The following UBXN2B variants were observed in gnomAD, a reference collection of about 807,000 sequenced individuals.
UBXN2B encodes UBX domain-containing protein 2B.
Under a neutral mutation model 37.5 loss-of-function variants are expected in UBXN2B, and 19 were observed. The observed-to-expected ratio is 0.51, with a 90% CI of 0.35 to 0.74. The LOEUF (loss-of-function observed/expected upper bound fraction) is 0.74, where lower values mean the gene tolerates loss of function less well. UBXN2B is among the 30% of genes least tolerant of loss of function. The pLI, the probability that UBXN2B is intolerant of heterozygous loss-of-function variation, is 0.01. For synonymous variants in UBXN2B, 145 were observed against 143.8 expected, an observed-to-expected ratio of 1.01 and a Z score of -0.06; for missense variants, 370 against 393.2, an observed-to-expected ratio of 0.94 and a Z score of 0.50.
intron 3 of UBXN2B, among the ~76,000 whole-genome samples, chr8:58,432,905 CTA>C (rs141817480): frequency 0.027 from 4,146 of 152,224 alleles, 209 homozygotes; most frequent in East Asian, 0.23. Context: ...AAAAAAGCCT[CTA>C]TGATAATTTT....
Position 58,427,886 on chromosome 8 carries a change from T to G in UBXN2B, c.189-2633T>G, listed in dbSNP as rs7012712. Among the ~76,000 whole-genome samples, 478 of 152,220 alleles carry G rather than the reference T, an allele frequency of 3.1e-3. 3 individuals are homozygous for G. Among genetic ancestry groups the G allele is most frequent in the African/African-American group, 0.011 (448 of 41,528 alleles). On this transcript the variant is annotated intron_variant, in intron 2 of 7. Transcript: ENST00000399598. ...ATTGAAGTCAAGGATATGGGCATATTTATGTAAGAGGAGGAGGAAGAAAAC... is the reference window on the plus strand; with the variant it reads ...ATTGAAGTCAAGGATATGGGCATATGTATGTAAGAGGAGGAGGAAGAAAAC...
chr8:58,441,367 A>ATATATATGTATG (rs1554553148), intron 6 of UBXN2B, among the ~76,000 whole-genome samples: 27 of 142,466 alleles, frequency 1.9e-4, no homozygotes, highest in African/African-American at 7.2e-4. Context: ...ATATATATAT[A>ATATATATGTATG]TGTATGTGTA....
At chr8:58,420,240 C>T (rs1404656895) in intron 2 of UBXN2B, among the ~76,000 whole-genome samples, 5 of 152,166 alleles carry the variant, frequency 3.3e-5, no homozygotes, top group African/African-American at 1.2e-4. Flanking sequence ...TCTGATAATA[C>T]AGCTTTGCAA....
chr8:58,425,972 T>C (rs1182343581), intron 2 of UBXN2B: 1 of 1,443,156 alleles, frequency 6.9e-7, no homozygotes, highest in Admixed American at 1.7e-5. Context: ...AAAACTACCA[T>C]GTTTTCCTTT....
chr8:58,439,548 C>A, intron 5 of UBXN2B, 85 bp from the exon 6 acceptor site: 1 of 1,462,164 alleles, frequency 6.8e-7, no homozygotes, highest in Non-Finnish European at 9.1e-7. Context: ...TCCAGTGTAG[C>A]TCATGAAATA....
At chr8:58,425,652 G>C in intron 2 of UBXN2B, 1 of 1,138,454 alleles carries the variant, frequency 8.8e-7, no homozygotes, top group Non-Finnish European at 1.3e-6. Flanking sequence ...TGACTTTATT[G>C]TGGTCTCAGC....
intron 6 of UBXN2B, among the ~76,000 whole-genome samples, chr8:58,442,715 G>A (rs1377271932): frequency 6.6e-6 from 1 of 152,256 alleles, no homozygotes. Context: ...TGGTGAGCTA[G>A]AGTAGTGCCT....
At chr8:58,440,026 A>G (rs1027658657) in intron 6 of UBXN2B, among the ~76,000 whole-genome samples, 1 of 152,236 alleles carries the variant, frequency 6.6e-6, no homozygotes, top group African/African-American at 2.4e-5. Context: ...AGCCGTATAC[A>G]TGTGTTATCT....
chr8:58,446,778 C>CTTTTT (rs1585622637), intron 7 of UBXN2B, among the ~76,000 whole-genome samples: 2 of 14,964 alleles, frequency 1.3e-4, no homozygotes, highest in Non-Finnish European at 2.8e-4. Context: ...GTACAACCTG[C>CTTTTT]ATTTTTTTTT....
At chr8:58,426,567 T>C (rs541605343) in intron 2 of UBXN2B, 37 of 753,144 alleles carry the variant, frequency 4.9e-5, no homozygotes, top group Admixed American at 1.9e-4. Context: ...AAGTGTGAAG[T>C]CTCCAGGGTT....
At chr8:58,412,080 ATAG>A (rs1351671213) in intron 1 of UBXN2B, among the ~76,000 whole-genome samples, 1 of 152,226 alleles carries the variant, frequency 6.6e-6, no homozygotes, top group Non-Finnish European at 1.5e-5. Context: ...AGTTAGCTAA[ATAG>A]TAGCGCACCA....
chr8:58,423,949 T>C (rs1327877400), intron 2 of UBXN2B, among the ~76,000 whole-genome samples: 1 of 151,724 alleles, frequency 6.6e-6, no homozygotes, highest in Non-Finnish European at 1.5e-5. Context: ...AAAAAAAAGC[T>C]ACACCTCTTA....
At chr8:58,428,153 A>G (rs544691568) in intron 2 of UBXN2B, among the ~76,000 whole-genome samples, 5 of 152,330 alleles carry the variant, frequency 3.3e-5, no homozygotes, top group Admixed American at 2.6e-4. Context: ...CAGTAGCACA[A>G]TGGGAGCAAA....
chr8:58,426,622 T>C (rs1808099814), intron 2 of UBXN2B: 8 of 746,248 alleles, frequency 1.1e-5, no homozygotes, highest in South Asian at 4.0e-5. Context: ...GCTCCTCTTA[T>C]CAACAGTGGG....
In UBXN2B at chr8:58,439,700, C is replaced by T; in HGVS notation, c.601C>T (p.Gln201Ter). Residue 201 changes from glutamine (Q) to a stop codon, truncating the protein, a stop_gained, in exon 6 of 8, where the codon CAG becomes TAG. Coordinates refer to ENST00000399598, the MANE Select transcript of UBXN2B (RefSeq NM_001077619.2). LOFTEE classifies it high-confidence loss of function. ...GQVNLDMEDH[Q>*]DQEYIKPRLR... is the part of the protein sequence containing the mutation. ...AGTGAATTTGGATATGGAGGATCAT[C>T]AGGATCAAGAATACATAAAACCTAG... The T allele has an allele frequency of 6.2e-7, 1 of 1,612,818 alleles. No individual in the cohort carries two copies.
chr8:58,432,473 C>T (rs1224370660), intron 3 of UBXN2B, among the ~76,000 whole-genome samples: 1 of 150,154 alleles, frequency 6.7e-6, no homozygotes, highest in Non-Finnish European at 1.5e-5. Flanking sequence ...AGCTCCGCCT[C>T]CCGGGTTCAC....
In UBXN2B at chr8:58,417,749, G is replaced by A. The variant is rs536437887; in HGVS notation, c.188+796G>A. On this transcript the variant is annotated intron_variant, in intron 2 of 7. Coordinates refer to ENST00000399598, the MANE Select transcript of UBXN2B (RefSeq NM_001077619.2). The stretch of plus-strand genomic sequence containing the variant: ...AAGCAAGACTAGTAGAGTAAATACT[G>A]TGTTTACTTCACCTATATTCACCAA... Among the ~76,000 whole-genome samples, 4 of 152,160 alleles carry A rather than the reference G, an allele frequency of 2.6e-5. No homozygotes were observed. In the South Asian group the frequency reaches 8.3e-4, roughly 32 times the overall value.
intron 6 of UBXN2B, among the ~76,000 whole-genome samples, chr8:58,445,669 G>C (rs983809669): frequency 1.3e-5 from 2 of 152,140 alleles, no homozygotes; most frequent in African/African-American, 4.8e-5. Flanking sequence ...AAACTGGTTT[G>C]CTAAACAGTG....
chr8:58,430,406 A>T (rs1808242466), intron 2 of UBXN2B, 113 bp from the exon 3 acceptor site: 1 of 739,568 alleles, frequency 1.4e-6, no homozygotes, highest in Non-Finnish European at 1.9e-6. Context: ...TAGAAGTCAA[A>T]ATAATGCCTC....
Sources: gnomAD v4.1 joint callset for allele counts (sites outside exome capture counted in the v4.1 genomes callset) on GRCh38, gnomAD v4.1.1 for gene constraint, MANE v1.5 for transcripts, NCBI Gene and HGNC (gene_info 2026-07-23, HGNC 2026-07-21) for gene names.